The following GPR137C variants were observed in gnomAD, a reference collection of about 807,000 sequenced individuals.
GPR137C encodes G protein-coupled receptor 137C, also known as integral membrane protein GPR137C.
Under a neutral mutation model 43.4 loss-of-function variants are expected in GPR137C, and 27 were observed. The observed-to-expected ratio is 0.62, with a 90% CI of 0.46 to 0.86. The LOEUF is 0.86. Among genes scored for constraint, GPR137C ranks in the 40% least tolerant of loss-of-function variants. The probability of loss-of-function intolerance (pLI) is 0.00; values close to 1 mark genes in which losing one functional copy is unlikely to be tolerated. For synonymous variants in GPR137C, 285 were observed against 226.9 expected (o/e 1.26, Z -2.30); for missense variants, 522 against 534.6 (o/e 0.98, Z 0.23).
At position 52,598,237 on chromosome 14, in the gene GPR137C, G is replaced by A. The variant is rs576053580; in HGVS notation, c.445-35G>A. On this transcript the variant is annotated intron_variant, in intron 1 of 6. Coordinates refer to ENST00000321662, the MANE Select transcript of GPR137C (RefSeq NM_001099652.2). ...CATATTTAAGAATTCTATATTACAC[G>A]TTTTCAAAATTTTTTTTTTATATTC... 3.2e-5 allele frequency: 28 copies of A among 872,716 alleles called. No homozygotes were observed. The East Asian group carries it at 3.8e-4, about 12-fold the overall frequency. The allele number at this position is 872,716 out of a possible 1,614,324, so 54.1% of individuals were successfully genotyped here. A position where few individuals can be genotyped will look rare whatever the true frequency, so the allele number is the denominator to read the frequency against.
At chr14:52,613,599 A>G (rs879134614) in intron 3 of GPR137C, 2 of 187,720 alleles carry the variant, frequency 1.1e-5, no homozygotes, top group Admixed American at 5.5e-5. Context: ...AAGTGAGAAC[A>G]TGCGATGTTT....
Position 52,616,574 on chromosome 14 carries a change from G to A in GPR137C, c.718-15586G>A, listed in dbSNP as rs114189548. Among the ~76,000 whole-genome samples the A allele has an allele frequency of 2.6e-3, 399 of 152,222 alleles. 2 individuals carry two copies. Among genetic ancestry groups the A allele is most frequent in the African/African-American group, 9.1e-3 (379 of 41,520 alleles). ...CTCCCAAAGTACTGCAGTTACAGGCGTGAGGCACTGCCCCCAGCCATGTTA... is the reference window on the plus strand; with the variant it reads ...CTCCCAAAGTACTGCAGTTACAGGCATGAGGCACTGCCCCCAGCCATGTTA... On this transcript the variant is annotated intron_variant, in intron 3 of 6. Transcript: ENST00000321662.
chr14:52,577,119 G>A (rs1019077259), intron 1 of GPR137C, among the ~76,000 whole-genome samples: 2 of 148,424 alleles, frequency 1.3e-5, no homozygotes, highest in South Asian at 4.3e-4. Flanking sequence ...CCCGGGGGGC[G>A]GAGGTTGCAA....
chr14:52,634,535 C>T (rs1594812517), intron 6 of GPR137C, among the ~76,000 whole-genome samples: 2 of 152,000 alleles, frequency 1.3e-5, no homozygotes, highest in African/African-American at 4.8e-5. Context: ...TTTGAACCTG[C>T]TTTTCATCTG....
intron 3 of GPR137C, among the ~76,000 whole-genome samples, chr14:52,631,339 C>A (rs539097148): frequency 2.6e-5 from 4 of 152,166 alleles, no homozygotes. Context: ...GCCCCTTAAT[C>A]ATTGTGACAA....
At chr14:52,577,221 G>T (rs77736795) in intron 1 of GPR137C, among the ~76,000 whole-genome samples, 11,905 of 133,442 alleles carry the variant, frequency 0.089, 588 homozygotes, top group South Asian at 0.16. Context: ...AAAGATACCT[G>T]GAAATTAAAC....
chr14:52,555,991 T>C (rs1222153711), intron 1 of GPR137C, among the ~76,000 whole-genome samples: 1 of 152,166 alleles, frequency 6.6e-6, no homozygotes, highest in Non-Finnish European at 1.5e-5. Context: ...ATACTTCCCA[T>C]TGATCATTCT....
intron 1 of GPR137C, among the ~76,000 whole-genome samples, chr14:52,583,408 A>G (rs1022958667): frequency 2.4e-4 from 37 of 152,236 alleles, no homozygotes; most frequent in African/African-American, 8.4e-4. Flanking sequence ...TTATGCTTCT[A>G]TAATGCATTG....
intron 3 of GPR137C, among the ~76,000 whole-genome samples, chr14:52,630,526 A>G (rs2039282726): frequency 6.6e-6 from 1 of 152,136 alleles, no homozygotes; most frequent in Non-Finnish European, 1.5e-5. Context: ...AAGTTTTGCC[A>G]GTTTTATTTT....
chr14:52,635,045 C>A lies in GPR137C; in HGVS notation c.1220C>A (p.Pro407His). Residue 407 changes from proline (P) to histidine (H), a missense_variant, in exon 7 of 7, where the codon CCT (proline) becomes CAT (histidine). Around this residue, in one of 3 missense-constraint regions of GPR137C, gnomAD observed 67 missense variants for 69.0 expected, o/e 0.97. Coordinates refer to ENST00000321662, the MANE Select transcript of GPR137C (RefSeq NM_001099652.2). ...HLNGPMTDTAPLLFTCSNLDL... is the reference protein window; with the variant it reads ...HLNGPMTDTAHLLFTCSNLDL... ...AATGGACCTATGACAGATACTGCTC[C>A]TTTGCTCTTTACTTGTAGTAATTTA... 6.2e-7 allele frequency: 1 copy of A among 1,609,778 alleles called. No homozygotes were observed. The highest frequency in any genetic ancestry group is 8.5e-7 in the Non-Finnish European group (1 of 1,178,472).
chr14:52,625,481 CAAAA>C (rs531582064), intron 3 of GPR137C, among the ~76,000 whole-genome samples: 1 of 44,804 alleles, frequency 2.2e-5, no homozygotes, highest in Non-Finnish European at 4.6e-5. Flanking sequence ...GACTCCATCC[CAAAA>C]AAAAAAAAAA....
intron 1 of GPR137C, among the ~76,000 whole-genome samples, chr14:52,596,240 C>G (rs984513725): frequency 6.6e-6 from 1 of 152,174 alleles, no homozygotes; most frequent in Non-Finnish European, 1.5e-5. Context: ...CTGTCGGCCC[C>G]TACTGGGAGG....
chr14:52,621,526 C>G (rs2039161089), intron 3 of GPR137C, among the ~76,000 whole-genome samples: 1 of 151,654 alleles, frequency 6.6e-6, no homozygotes, highest in South Asian at 2.1e-4. Flanking sequence ...TTTTTAACTT[C>G]TTTAAAATAT....
At chr14:52,567,625 A>G (rs1439327624) in intron 1 of GPR137C, among the ~76,000 whole-genome samples, 1 of 149,246 alleles carries the variant, frequency 6.7e-6, no homozygotes, top group Non-Finnish European at 1.5e-5. Flanking sequence ...GTCAGCGTTC[A>G]TCACTGCTTA....
intron 3 of GPR137C, among the ~76,000 whole-genome samples, chr14:52,607,772 G>A (rs182064973): frequency 3.3e-5 from 5 of 152,210 alleles, no homozygotes; most frequent in Admixed American, 1.3e-4. Flanking sequence ...CTGCTTGGGA[G>A]GCTGAGGCAC....
intron 1 of GPR137C, among the ~76,000 whole-genome samples, chr14:52,576,636 G>T (rs773456707): frequency 6.6e-6 from 1 of 152,074 alleles, no homozygotes; most frequent in Non-Finnish European, 1.5e-5. Flanking sequence ...CATCATCGAG[G>T]CAGAAAGTCA....
chr14:52,633,232 C>T (rs996067222), intron 4 of GPR137C, among the ~76,000 whole-genome samples: 1 of 152,024 alleles, frequency 6.6e-6, no homozygotes, highest in African/African-American at 2.4e-5. Flanking sequence ...AAGTCACTCT[C>T]TTTAGATTAT....
At chr14:52,587,528 T>G (rs1166314868) in intron 1 of GPR137C, among the ~76,000 whole-genome samples, 3 of 152,206 alleles carry the variant, frequency 2.0e-5, no homozygotes, top group Non-Finnish European at 1.5e-5. Context: ...CCCAGTACTT[T>G]GGGAGGCTGA....
In GPR137C at chr14:52,597,359, G is replaced by A. The variant is rs577321534; in HGVS notation, c.445-913G>A. ...ATGAATCCATAGCACCTTTCATAGAGTGTGATATATAATAGGCACTTGGTA... is the reference window on the plus strand; with the variant it reads ...ATGAATCCATAGCACCTTTCATAGAATGTGATATATAATAGGCACTTGGTA... On this transcript the variant is annotated intron_variant, in intron 1 of 6. Transcript: ENST00000321662. Among the ~76,000 whole-genome samples, 4 of 152,324 alleles carry A rather than the reference G, an allele frequency of 2.6e-5. No individual in the cohort carries two copies. In the South Asian group the frequency reaches 8.3e-4, roughly 32 times the overall value.
Sources: gnomAD v4.1 joint callset for allele counts (sites outside exome capture counted in the v4.1 genomes callset) on GRCh38, gnomAD v4.1.1 for gene constraint, gnomAD v4.1.1 regional missense constraint, MANE v1.5 for transcripts, NCBI Gene and HGNC (gene_info 2026-07-23, HGNC 2026-07-21) for gene names.